MXD1: variants seen among roughly 807,000 people sequenced by gnomAD.
MXD1 encodes MAX dimerization protein 1.
Under a neutral mutation model 25.7 loss-of-function variants are expected in MXD1, and 9 were observed. The observed-to-expected ratio is 0.35, with a 90% CI of 0.21 to 0.61. The LOEUF is 0.61. Ranked by LOEUF, MXD1 falls within the 20% of genes least tolerant of loss-of-function variation. The probability of loss-of-function intolerance (pLI) is 0.75; values close to 1 mark genes in which losing one functional copy is unlikely to be tolerated. For missense variants in MXD1, 227 were observed against 292.4 expected (o/e 0.78, Z 1.63); for synonymous variants, 99 against 113.9 (o/e 0.87, Z 0.83).
In MXD1 at chr2:69,921,862, A is replaced by G. The variant is rs1244664643; in HGVS notation, c.203+97A>G. The G allele has an allele frequency of 8.6e-6, 10 of 1,160,124 alleles. No homozygotes were observed. The East Asian group carries it at 1.5e-4, about 17-fold the overall frequency. The allele number at this position is 1,160,124 out of a possible 1,614,324, so 71.9% of individuals were successfully genotyped here. On this transcript the variant is annotated intron_variant, in intron 3 of 5. Coordinates refer to ENST00000264444, the MANE Select transcript of MXD1 (RefSeq NM_002357.4). ...GTTGCTCTTTTTGACTCTTCCCACT[A>G]GTAGCACCTGATTTCAGAATTCACC...
rs1676947577 is a variant in MXD1 at position 69,915,631 on chromosome 2, C to G, written c.73+228C>G. ...TGCCGCCCGCCGGGGTCCCGAACGCCGCCCCTTCCCCAGCCCTTCACGAGT... is the reference window on the plus strand; with the variant it reads ...TGCCGCCCGCCGGGGTCCCGAACGCGGCCCCTTCCCCAGCCCTTCACGAGT... On this transcript the variant is annotated intron_variant, in intron 1 of 5. Coordinates refer to ENST00000264444, the MANE Select transcript of MXD1 (RefSeq NM_002357.4). The surrounding 1 kb of genome is among the most constrained non-coding windows in gnomAD (Gnocchi z 5.8). Among the ~76,000 whole-genome samples the G allele has an allele frequency of 6.6e-6, 1 of 152,192 alleles. No homozygotes were observed. Among genetic ancestry groups the G allele is most frequent in the Non-Finnish European group, 1.5e-5 (1 of 68,016 alleles).
rs1275551368 is a variant in MXD1, at chr2:69,940,089, T to C, written c.*1805T>C. ...ACCTGTAATTCTTCTGTTTTTGTTT[T>C]GTTCTGTCTTTTCTTCATTTTGGCT... On this transcript the variant is annotated 3_prime_UTR_variant, in exon 6 of 6. Coordinates refer to ENST00000264444, the MANE Select transcript of MXD1 (RefSeq NM_002357.4). 6.9e-6 allele frequency: 1 copy of C among 145,622 alleles called. No individual in the cohort carries two copies. The highest frequency in any genetic ancestry group is 2.5e-5 in the African/African-American group (1 of 39,894). 9.0% of individuals were successfully genotyped at this position (145,622 alleles called of 1,614,324 possible). A position where few individuals can be genotyped will look rare whatever the true frequency, so the allele number is the denominator to read the frequency against.
chr2:69,934,027 G>A (rs1289240379), intron 3 of MXD1, among the ~76,000 whole-genome samples: 1 of 152,350 alleles, frequency 6.6e-6, no homozygotes, highest in Middle Eastern at 3.4e-3. Context: ...GAAGCTTAAA[G>A]TCTAGTTGAA....
intron 3 of MXD1, among the ~76,000 whole-genome samples, chr2:69,930,458 C>G (rs377309719): frequency 6.6e-6 from 1 of 152,308 alleles, no homozygotes; most frequent in Non-Finnish European, 1.5e-5. Flanking sequence ...CTACCCCTGA[C>G]TCTCAATGAT....
intron 3 of MXD1, among the ~76,000 whole-genome samples, chr2:69,924,374 A>C (rs1677132059): frequency 6.6e-6 from 1 of 152,144 alleles, no homozygotes. Context: ...CTTTTTTGGA[A>C]TTTGGTCTTT....
At chr2:69,921,647 GAGAA>G (rs1369357083) in intron 2 of MXD1, 85 bp from the exon 3 acceptor site, 8 of 1,244,418 alleles carry the variant, frequency 6.4e-6, no homozygotes, top group Non-Finnish European at 8.9e-6. Context: ...CAACTTTGGA[GAGAA>G]AGAAGTTAAA....
chr2:69,921,686 T>G (rs1303929831), intron 2 of MXD1, 50 bp from the exon 3 acceptor site: 1 of 1,549,488 alleles, frequency 6.5e-7, no homozygotes, highest in East Asian at 2.3e-5. Flanking sequence ...GTTGAAGTAG[T>G]TCTTTAAGAC....
rs1422264705 is a variant in MXD1 at position 69,939,659 on chromosome 2, G to A, written c.*1375G>A. On this transcript the variant is annotated 3_prime_UTR_variant, in exon 6 of 6. Coordinates refer to ENST00000264444, the MANE Select transcript of MXD1 (RefSeq NM_002357.4). ...TGAATATTTTTGCATTCATATTTTT[G>A]AGGTCTTGATGTTTTCAGCCTCTGG... 1 of 152,702 alleles carries A rather than the reference G, an allele frequency of 6.5e-6. No homozygotes were observed. Among genetic ancestry groups the A allele is most frequent in the South Asian group, 2.1e-4 (1 of 4,832 alleles). The allele number at this position is 152,702 out of a possible 1,614,324, so 9.5% of individuals were successfully genotyped here. A position where few individuals can be genotyped will look rare whatever the true frequency, so the allele number is the denominator to read the frequency against.
At position 69,916,235 on chromosome 2, in the gene MXD1, A is replaced by C. The variant is rs754434284; in HGVS notation, c.173+15A>C. The C allele has an allele frequency of 6.8e-7, 1 of 1,473,354 alleles. No individual in the cohort carries two copies. The highest frequency in any genetic ancestry group is 9.5e-7 in the Non-Finnish European group (1 of 1,055,356). 91.3% of individuals were successfully genotyped at this position (1,473,354 alleles called of 1,614,324 possible). On this transcript the variant is annotated intron_variant, in intron 2 of 5. Transcript: ENST00000264444. ...AGCAGTAGCAGGTAATTTGGTAAATACTTCTTTCTGTCTTTTAGATTATAT... is the reference window on the plus strand; with the variant it reads ...AGCAGTAGCAGGTAATTTGGTAAATCCTTCTTTCTGTCTTTTAGATTATAT...
At chr2:69,924,548 G>T (rs1316295019) in intron 3 of MXD1, among the ~76,000 whole-genome samples, 1 of 152,116 alleles carries the variant, frequency 6.6e-6, no homozygotes, top group Non-Finnish European at 1.5e-5. Flanking sequence ...AGAACTTCAG[G>T]GTTTGGAGGT....
intron 2 of MXD1, among the ~76,000 whole-genome samples, chr2:69,916,921 G>A (rs1350192779): frequency 6.6e-6 from 1 of 152,166 alleles, no homozygotes; most frequent in Non-Finnish European, 1.5e-5. Context: ...ACATATTAAA[G>A]TCCTATGCAT....
intron 3 of MXD1, among the ~76,000 whole-genome samples, chr2:69,930,706 T>C (rs1260630944): frequency 6.6e-6 from 1 of 152,252 alleles, no homozygotes; most frequent in African/African-American, 2.4e-5. Context: ...TGAGACATTT[T>C]TGAGTTCCCT....
intron 2 of MXD1, among the ~76,000 whole-genome samples, chr2:69,920,753 C>T (rs148030231): frequency 6.6e-6 from 1 of 152,290 alleles, no homozygotes; most frequent in East Asian, 1.9e-4. Context: ...CAAGATTCAG[C>T]TCCTTTATAA....
intron 2 of MXD1, among the ~76,000 whole-genome samples, chr2:69,917,073 A>G (rs997903857): frequency 2.0e-5 from 3 of 152,146 alleles, no homozygotes; most frequent in Non-Finnish European, 4.4e-5. Flanking sequence ...AAAAGCATTG[A>G]CCTTTTCGTC....
intron 4 of MXD1, chr2:69,936,979 G>T: frequency 1.7e-6 from 1 of 602,494 alleles, no homozygotes; most frequent in East Asian, 3.7e-5. Flanking sequence ...CTACCAGGGT[G>T]CCAGTATGTG....
In MXD1 at chr2:69,938,148, A is replaced by G. The variant is rs1200174325; in HGVS notation, c.530A>G (p.Asp177Gly). ...ESTDYLTGDL[D>G]WSSSSVSDSD... is the part of the protein sequence containing the mutation. ...ACGGACTATCTCACAGGTGATCTGG[A>G]CTGGAGCAGCAGCAGTGTGAGCGAC... Residue 177 changes from aspartate (D) to glycine (G), a missense_variant, in exon 6 of 6, where the codon GAC (aspartate) becomes GGC (glycine). Asp to Gly is a moderately conservative substitution (Grantham distance 94, BLOSUM62 -1). Coordinates refer to ENST00000264444, the MANE Select transcript of MXD1 (RefSeq NM_002357.4). 1 of 1,614,230 alleles carries G rather than the reference A, an allele frequency of 6.2e-7. No individual in the cohort carries two copies. Among genetic ancestry groups the G allele is most frequent in the South Asian group, 1.1e-5 (1 of 91,090 alleles).
chr2:69,916,211 G>A lies in MXD1; in HGVS notation c.164G>A (p.Ser55Asn). Residue 55 changes from serine to asparagine, a missense_variant, in exon 2 of 6, where the codon AGC (serine) becomes AAC (asparagine). Physicochemically the swap from Ser to Asn is conservative, Grantham distance 46. Transcript: ENST00000264444. ...KRRNKSKKNN[S>N]SSRSTHNEME... ...AGGAACAAATCCAAAAAGAATAACA[G>A]CAGTAGCAGGTAATTTGGTAAATAC... The A allele has an allele frequency of 6.3e-7, 1 of 1,594,458 alleles. No individual in the cohort carries two copies. The highest frequency in any genetic ancestry group is 1.1e-5 in the South Asian group (1 of 90,402).
chr2:69,926,475 C>A (rs1476361062), intron 3 of MXD1, among the ~76,000 whole-genome samples: 1 of 152,002 alleles, frequency 6.6e-6, no homozygotes, highest in Non-Finnish European at 1.5e-5. Context: ...TATAAATTAA[C>A]CTTTAAAAGT....
chr2:69,915,157 C>G lies in MXD1; in HGVS notation c.-174C>G. 1 of 463,752 alleles carries G rather than the reference C, an allele frequency of 2.2e-6. No individual in the cohort carries two copies. The allele number at this position is 463,752 out of a possible 1,614,324, so 28.7% of individuals were successfully genotyped here. A position where few individuals can be genotyped will look rare whatever the true frequency, so the allele number is the denominator to read the frequency against. On this transcript the variant is annotated 5_prime_UTR_variant, in exon 1 of 6. Coordinates refer to ENST00000264444, the MANE Select transcript of MXD1 (RefSeq NM_002357.4). The surrounding 1 kb of genome is among the most constrained non-coding windows in gnomAD (Gnocchi z 5.8). ...GTGTCGGCGGTGCCCAGCTCACTGG[C>G]CCCCTCCCTCTCTTGTCGAGCGTGG...
Sources: allele counts gnomAD v4.1 joint callset (sites outside exome capture counted in the v4.1 genomes callset), GRCh38; gene constraint gnomAD v4.1.1; non-coding constraint Gnocchi (gnomAD v3.1); transcripts MANE v1.5; gene names NCBI Gene and HGNC (gene_info 2026-07-23, HGNC 2026-07-21).